Variants in ENOX1 observed in about 807,000 individuals in gnomAD.
ENOX1 encodes the protein ecto-NOX disulfide-thiol exchanger 1, also known as candidate growth-related and time keeping constitutive hydroquinone (NADH) oxidase.
A neutral mutation model predicts 82.5 loss-of-function variants in ENOX1; 42 were observed. The observed-to-expected ratio is 0.51, with a 90% confidence interval of 0.40 to 0.66. The LOEUF is 0.66. ENOX1 is among the 30% of genes least tolerant of loss of function. ENOX1 has a pLI of 0.00. For synonymous variants in ENOX1, 271 were observed against 282.2 expected, an observed-to-expected ratio of 0.96 and a Z score of 0.40; for missense variants, 608 against 811.6, an observed-to-expected ratio of 0.75 and a Z score of 3.05.
intron 3 of ENOX1, among the ~76,000 whole-genome samples, chr13:43,480,841 A>G (rs2058478510): frequency 6.6e-6 from 1 of 152,202 alleles, no homozygotes; most frequent in African/African-American, 2.4e-5. Flanking sequence ...TAGTAAGGAG[A>G]TTGAGTCAGT....
At chr13:43,290,973 G>A (rs2045968483) in intron 12 of ENOX1, among the ~76,000 whole-genome samples, 1 of 152,118 alleles carries the variant, frequency 6.6e-6, no homozygotes, top group Non-Finnish European at 1.5e-5. Flanking sequence ...GTTGCAGTGA[G>A]CTGAGATCAC....
intron 11 of ENOX1, among the ~76,000 whole-genome samples, chr13:43,312,464 T>C (rs570771504): frequency 7.2e-5 from 11 of 152,274 alleles, no homozygotes; most frequent in African/African-American, 2.2e-4. Flanking sequence ...AAAGGGCTGA[T>C]ATTGTAGCTC....
intron 3 of ENOX1, among the ~76,000 whole-genome samples, chr13:43,425,277 C>A (rs2055227459): frequency 6.6e-6 from 1 of 152,050 alleles, no homozygotes; most frequent in Non-Finnish European, 1.5e-5. Flanking sequence ...GAGGCTCCCA[C>A]CCCCATCAAA....
At chr13:43,324,973 T>C (rs1050172560) in intron 10 of ENOX1, among the ~76,000 whole-genome samples, 2 of 152,252 alleles carry the variant, frequency 1.3e-5, no homozygotes, top group African/African-American at 4.8e-5. Context: ...TTCCTTTTAA[T>C]CATGTTTGGT....
intron 14 of ENOX1, among the ~76,000 whole-genome samples, chr13:43,239,933 T>C (rs1366867478): frequency 6.6e-6 from 1 of 152,212 alleles, no homozygotes; most frequent in East Asian, 1.9e-4. Flanking sequence ...TTGGTATTGT[T>C]CAGTTGAACA....
intron 3 of ENOX1, among the ~76,000 whole-genome samples, chr13:43,415,562 G>A (rs112575049): frequency 6.6e-6 from 1 of 152,142 alleles, no homozygotes; most frequent in Non-Finnish European, 1.5e-5. Context: ...ACAGGGTTGG[G>A]GGTAAGGTTA....
chr13:43,682,084 A>C (rs2085818514), intron 1 of ENOX1, among the ~76,000 whole-genome samples: 1 of 152,126 alleles, frequency 6.6e-6, no homozygotes, highest in Admixed American at 6.6e-5. Flanking sequence ...TATATTTTTT[A>C]AATGGAGCCA....
intron 3 of ENOX1, among the ~76,000 whole-genome samples, chr13:43,423,949 G>A (rs2055133507): frequency 6.6e-6 from 1 of 152,190 alleles, no homozygotes; most frequent in Non-Finnish European, 1.5e-5. Context: ...AAATGGCAAA[G>A]CTATGGACTC....
intron 11 of ENOX1, among the ~76,000 whole-genome samples, chr13:43,299,675 A>C (rs986345717): frequency 2.6e-5 from 4 of 151,340 alleles, no homozygotes; most frequent in Non-Finnish European, 5.9e-5. Flanking sequence ...TCCCCCACCA[A>C]CTCTCCCACC....
chr13:43,718,676 CAAAAAAAAAAAAAAAAAAA>C (rs61671392), intron 1 of ENOX1, among the ~76,000 whole-genome samples: 6 of 55,588 alleles, frequency 1.1e-4, no homozygotes, highest in Non-Finnish European at 1.6e-4. Context: ...GACTCCGTCT[CAAAAAAAAAAAAAAAAAAA>C]AAAAAAAAAA....
At chr13:43,262,659 T>C (rs1191680024) in intron 14 of ENOX1, among the ~76,000 whole-genome samples, 4 of 152,248 alleles carry the variant, frequency 2.6e-5, no homozygotes, top group Non-Finnish European at 5.9e-5. Flanking sequence ...CCCAAGTAGC[T>C]GGGACTACAG....
intron 1 of ENOX1, among the ~76,000 whole-genome samples, chr13:43,754,422 T>C (rs1950537360): frequency 6.8e-6 from 1 of 146,086 alleles, no homozygotes; most frequent in African/African-American, 2.6e-5. Context: ...AACCCCCACC[T>C]CCTGGGTTCA....
At chr13:43,773,529 C>T (rs971306111) in intron 1 of ENOX1, among the ~76,000 whole-genome samples, 1 of 152,168 alleles carries the variant, frequency 6.6e-6, no homozygotes, top group African/African-American at 2.4e-5. Context: ...ACTCTCCAGC[C>T]ACACTGGCCT....
rs147829745 is a variant in ENOX1 at position 43,429,543 on chromosome 13, T to C, written c.-74-16555A>G. 8.5e-4 allele frequency among the ~76,000 whole-genome samples: 130 copies of C among 152,270 alleles called. 2 individuals are homozygous for C. In the South Asian group the frequency reaches 0.025, roughly 29 times the overall value. On this transcript the variant is annotated intron_variant, in intron 3 of 16. Transcript: ENST00000690772. ...TTCGGCATAAGCATCACAATTTTGG[T>C]TTGTAAATTCCTTTGGTTCAGTAGA...
At chr13:43,247,850 TATATATATATA>T (rs2043177479) in intron 14 of ENOX1, among the ~76,000 whole-genome samples, 2 of 2,192 alleles carry the variant, frequency 9.1e-4, no homozygotes, top group Non-Finnish European at 5.1e-3. Context: ...TATATATATA[TATATATATATA>T]TATATATATA....
chr13:43,284,774 GTGTGTGTGTGTGTGTGT>G (rs2045592675), intron 12 of ENOX1, among the ~76,000 whole-genome samples: 1 of 2,872 alleles, frequency 3.5e-4, no homozygotes. Flanking sequence ...TGTTAAAGGT[GTGTGTGTGTGTGTGTGT>G]GTGTGTGTGT....
chr13:43,544,669 G>A (rs1315921531), intron 2 of ENOX1: 2 of 152,068 alleles, frequency 1.3e-5, no homozygotes, highest in African/African-American at 4.8e-5. Flanking sequence ...TTAATTTTAG[G>A]CTGGGAGCAT....
intron 12 of ENOX1, among the ~76,000 whole-genome samples, chr13:43,275,702 T>C (rs2153486456): frequency 6.6e-6 from 1 of 152,330 alleles, no homozygotes; most frequent in East Asian, 1.9e-4. Flanking sequence ...TTCATTCCTT[T>C]AGTCAACACT....
chr13:43,356,179 A>G (rs775809212), intron 7 of ENOX1, 27 bp from the exon 8 acceptor site: 1 of 1,604,452 alleles, frequency 6.2e-7, no homozygotes, highest in Non-Finnish European at 8.5e-7. Flanking sequence ...CTCTGGTCAC[A>G]CCATAATGTA....
Sources: gnomAD v4.1 joint callset for allele counts (sites outside exome capture counted in the v4.1 genomes callset) on GRCh38, gnomAD v4.1.1 for gene constraint, MANE v1.5 for transcripts, NCBI Gene and HGNC (gene_info 2026-07-23, HGNC 2026-07-21) for gene names.